Variants in CSMD1 observed in about 807,000 individuals in gnomAD.
CSMD1 encodes the protein CUB and sushi domain-containing protein 1.
A neutral mutation model predicts 417.5 loss-of-function variants in CSMD1; 213 were observed. The observed-to-expected ratio is 0.51, with a 90% CI of 0.46 to 0.57. The LOEUF is 0.57. CSMD1 is among the 20% of genes least tolerant of loss of function. The pLI is 0.00. For missense variants in CSMD1, 6,923 were observed against 4,529.7 expected (o/e 1.53, Z -15.17); for synonymous variants, 2,862 against 1,736.8 (o/e 1.65, Z -16.11).
At chr8:3,589,367 T>C (rs1007124047) in intron 8 of CSMD1, among the ~76,000 whole-genome samples, 1 of 133,588 alleles carries the variant, frequency 7.5e-6, no homozygotes, top group South Asian at 2.5e-4. Flanking sequence ...GAGAAATGGA[T>C]AAAGAAAATG....
chr8:4,912,505 C>T (rs1805758455), intron 1 of CSMD1, among the ~76,000 whole-genome samples: 1 of 152,140 alleles, frequency 6.6e-6, no homozygotes, highest in Admixed American at 6.5e-5. Context: ...GTGCCAGAGG[C>T]TTCATGCCAG....
chr8:3,705,046 G>A (rs932628998), intron 7 of CSMD1, among the ~76,000 whole-genome samples: 3 of 152,186 alleles, frequency 2.0e-5, no homozygotes, highest in Non-Finnish European at 2.9e-5. Context: ...CACCATGACA[G>A]GGTCCCACCA....
At chr8:3,964,064 GTGCT>G (rs1232579530) in intron 5 of CSMD1, among the ~76,000 whole-genome samples, 1 of 152,180 alleles carries the variant, frequency 6.6e-6, no homozygotes, top group Non-Finnish European at 1.5e-5. Flanking sequence ...ACAGCATGAG[GTGCT>G]TGCTTGAATA....
intron 3 of CSMD1, among the ~76,000 whole-genome samples, chr8:4,107,654 T>A (rs1053614013): frequency 6.6e-6 from 1 of 152,048 alleles, no homozygotes; most frequent in African/African-American, 2.4e-5. Flanking sequence ...GAAAGCTCAT[T>A]TGAAGTACAA....
At chr8:2,939,310 A>G (rs146589471) in intron 69 of CSMD1, among the ~76,000 whole-genome samples, 2 of 152,248 alleles carry the variant, frequency 1.3e-5, no homozygotes, top group African/African-American at 2.4e-5. Context: ...CTAAATTTCA[A>G]GTTTAAGCTT....
intron 1 of CSMD1, among the ~76,000 whole-genome samples, chr8:4,733,543 C>A (rs751779228): frequency 3.9e-4 from 60 of 152,288 alleles, no homozygotes; most frequent in Non-Finnish European, 7.2e-4. Context: ...TAGTGCATTG[C>A]CCATTTAAAC....
At chr8:4,096,056 G>GTTT (rs143983495) in intron 3 of CSMD1, among the ~76,000 whole-genome samples, 33,845 of 151,800 alleles carry the variant, frequency 0.22, 4,650 homozygotes, top group African/African-American at 0.38. Context: ...TTTTGTTCTT[G>GTTT]TAACTACAGT....
intron 8 of CSMD1, among the ~76,000 whole-genome samples, chr8:3,608,560 G>A (rs1454339940): frequency 5.3e-5 from 8 of 151,990 alleles, no homozygotes; most frequent in Admixed American, 5.3e-4. Flanking sequence ...TCAGGAGTTT[G>A]AGACGAGCCT....
chr8:3,196,365 G>C (rs1585623875), intron 33 of CSMD1, among the ~76,000 whole-genome samples: 1 of 152,106 alleles, frequency 6.6e-6, no homozygotes, highest in Non-Finnish European at 1.5e-5. Flanking sequence ...AAGCAGCTGA[G>C]TGGCCCATGC....
intron 5 of CSMD1, among the ~76,000 whole-genome samples, chr8:3,784,735 A>C (rs2129064601): frequency 6.6e-6 from 1 of 152,352 alleles, no homozygotes; most frequent in East Asian, 1.9e-4. Context: ...GGTGGCAGAC[A>C]CCAATGCATG....
intron 3 of CSMD1, among the ~76,000 whole-genome samples, chr8:4,353,539 T>A (rs2128902740): frequency 6.6e-6 from 1 of 152,086 alleles, no homozygotes; most frequent in Admixed American, 6.6e-5. Flanking sequence ...AAATCAGACC[T>A]TTCCTAGGAA....
intron 5 of CSMD1, among the ~76,000 whole-genome samples, chr8:3,943,212 C>G (rs1811000992): frequency 6.6e-6 from 1 of 151,910 alleles, no homozygotes; most frequent in Admixed American, 6.6e-5. Context: ...TTTTTATCAA[C>G]TGTTTTGATT....
At chr8:3,674,851 C>T (rs1799290434) in intron 7 of CSMD1, among the ~76,000 whole-genome samples, 1 of 152,126 alleles carries the variant, frequency 6.6e-6, no homozygotes, top group Non-Finnish European at 1.5e-5. Flanking sequence ...GCAGTAAAGA[C>T]TATCCTTTAA....
intron 7 of CSMD1, among the ~76,000 whole-genome samples, chr8:3,701,986 T>G (rs1450909158): frequency 6.6e-6 from 1 of 152,134 alleles, no homozygotes; most frequent in Non-Finnish European, 1.5e-5. Context: ...CTTTTTTTTT[T>G]CTTTTCAGGG....
At chr8:3,951,157 C>T (rs769858024) in intron 5 of CSMD1, among the ~76,000 whole-genome samples, 7 of 152,170 alleles carry the variant, frequency 4.6e-5, no homozygotes, top group Non-Finnish European at 8.8e-5. Flanking sequence ...TTTACAAAGA[C>T]AGAAGTTTTG....
rs747405456 is a variant in CSMD1 at position 3,753,920 on chromosome 8, G to A, written c.931+10C>T. On this transcript the variant is annotated intron_variant, in intron 6 of 69. Transcript: ENST00000635120. ...TTTTTTTTTTTTCTTATAAGATGGA[G>A]CATCCTTACCTTGGAACTGAGCGTT... The A allele has an allele frequency of 2.6e-6, 4 of 1,563,746 alleles. No homozygotes were observed. The highest frequency in any genetic ancestry group is 2.6e-6 in the Non-Finnish European group (3 of 1,138,184).
At chr8:3,030,000 G>A (rs1810234214) in intron 50 of CSMD1, among the ~76,000 whole-genome samples, 1 of 151,906 alleles carries the variant, frequency 6.6e-6, no homozygotes, top group Non-Finnish European at 1.5e-5. Context: ...ATATATCATT[G>A]AATGTAGAAA....
chr8:4,466,175 G>A (rs1355582287), intron 2 of CSMD1, among the ~76,000 whole-genome samples: 1 of 152,140 alleles, frequency 6.6e-6, no homozygotes, highest in Non-Finnish European at 1.5e-5. Flanking sequence ...GTGGTCTTAA[G>A]AGCTGTTTAA....
chr8:4,059,556 A>G (rs1475210242), intron 3 of CSMD1, among the ~76,000 whole-genome samples: 5 of 152,024 alleles, frequency 3.3e-5, no homozygotes, highest in East Asian at 1.9e-4. Context: ...CAAGACTAAT[A>G]AAGAAAAAAA....
Sources: gnomAD v4.1 joint callset for allele counts (sites outside exome capture counted in the v4.1 genomes callset) on GRCh38, gnomAD v4.1.1 for gene constraint, MANE v1.5 for transcripts, NCBI Gene and HGNC (gene_info 2026-07-23, HGNC 2026-07-21) for gene names.